The following VPS35L variants were observed in gnomAD, a reference collection of about 807,000 sequenced individuals.
The protein encoded by VPS35L is VPS35 endosomal protein sorting factor like, also known as VPS35 endosomal protein-sorting factor-like.
A neutral mutation model predicts 133.0 loss-of-function variants in VPS35L; 83 were observed. The ratio of observed to expected loss-of-function variants is 0.62; its 90% CI spans 0.52 to 0.75. The LOEUF (loss-of-function observed/expected upper bound fraction) is 0.75, where lower values mean the gene tolerates loss of function less well. Among genes scored for constraint, VPS35L ranks in the 30% least tolerant of loss-of-function variants. The pLI, the probability that VPS35L is intolerant of heterozygous loss-of-function variation, is 0.00. For missense variants in VPS35L, 1,083 were observed against 1,206.8 expected (o/e 0.90, Z 1.52); for synonymous variants, 423 against 449.9 (o/e 0.94, Z 0.76).
intron 9 of VPS35L, 94 bp downstream of exon 9, chr16:19,601,817 GT>G: frequency 1.5e-6 from 2 of 1,334,152 alleles, no homozygotes; most frequent in Non-Finnish European, 2.1e-6. Flanking sequence ...CTTGATAAAG[GT>G]TTTAATTTTG....
At chr16:19,677,345 A>C (rs984232147) in intron 27 of VPS35L, among the ~76,000 whole-genome samples, 2 of 152,130 alleles carry the variant, frequency 1.3e-5, no homozygotes, top group African/African-American at 4.8e-5. Flanking sequence ...GGCCTCCCAG[A>C]GTGCTGGAAT....
At chr16:19,619,232 C>T (rs1189708500) in intron 14 of VPS35L, among the ~76,000 whole-genome samples, 7 of 152,070 alleles carry the variant, frequency 4.6e-5, no homozygotes, top group African/African-American at 7.2e-5. Flanking sequence ...CGTGCCCAGC[C>T]GCCCATCTCT....
intron 29 of VPS35L, among the ~76,000 whole-genome samples, chr16:19,693,434 A>G (rs1975773721): frequency 1.3e-5 from 2 of 152,052 alleles, no homozygotes; most frequent in Admixed American, 1.3e-4. Context: ...TGAGCCTAGG[A>G]GTTTGAGACC....
In VPS35L at chr16:19,563,247, A is replaced by G. The variant is rs1597301891; in HGVS notation, c.18-1604A>G. On this transcript the variant is annotated intron_variant, in intron 1 of 30. Coordinates refer to ENST00000417362, the MANE Select transcript of VPS35L (RefSeq NM_020314.7). ...CACTTTGGGAGGCTGAGGCAGGAGG[A>G]TCACTTGAGCTCAGGAGTTTAAGAC... is the stretch of plus-strand genomic sequence containing the variant. 2.0e-5 allele frequency among the ~76,000 whole-genome samples: 3 copies of G among 151,544 alleles called. No individual in the cohort carries two copies. The South Asian group carries it at 6.3e-4, about 32-fold the overall frequency.
At position 19,652,017 on chromosome 16, in the gene VPS35L, G is replaced by A. The variant is rs748046671; in HGVS notation, c.2148G>A (p.Ala716=). 1.5e-5 allele frequency: 25 copies of A among 1,613,322 alleles called. No individual in the cohort carries two copies. The highest frequency in any genetic ancestry group is 8.9e-5 in the East Asian group (4 of 44,864). ...AYCFITIPSL[A]GIFTRLNLYL... is the part of the protein sequence containing the mutation. The stretch of plus-strand genomic sequence containing the variant: ...GCTTCATCACCATCCCCTCCCTGGC[G>A]GGCATCTTCACACGTCTCAATCTCT... The change falls in exon 26 of 31, where the codon GCG becomes GCA. Residue 716 remains alanine (A), a synonymous_variant. Transcript: ENST00000417362.
At chr16:19,586,400 C>T (rs1331135002) in intron 7 of VPS35L, among the ~76,000 whole-genome samples, 2 of 152,122 alleles carry the variant, frequency 1.3e-5, no homozygotes, top group Non-Finnish European at 2.9e-5. Flanking sequence ...AGTGCAGTGG[C>T]ATGATCTCAG....
Position 19,699,032 on chromosome 16 carries a change from C to G in VPS35L, c.2647-470C>G, listed in dbSNP as rs1976016218. On this transcript the variant is annotated intron_variant, in intron 29 of 30. Transcript: ENST00000417362. The surrounding 1 kb of genome is among the most constrained non-coding windows in gnomAD (Gnocchi z 4.2). ...GATATGGGCACCAAGGATTGGGGAG[C>G]TCAGTTCGGGAGATGTGTTTTGGTC... Among the ~76,000 whole-genome samples, 1 of 152,130 alleles carries G rather than the reference C, an allele frequency of 6.6e-6. No homozygotes were observed. Among genetic ancestry groups the G allele is most frequent in the Non-Finnish European group, 1.5e-5 (1 of 68,030 alleles).
At chr16:19,619,974 G>T (rs1008505341) in intron 14 of VPS35L, among the ~76,000 whole-genome samples, 12 of 152,266 alleles carry the variant, frequency 7.9e-5, no homozygotes, top group Middle Eastern at 3.4e-3. Flanking sequence ...GTAAAGTTCG[G>T]CTGCAGCAAT....
intron 29 of VPS35L, among the ~76,000 whole-genome samples, chr16:19,695,423 A>G (rs1012783525): frequency 6.6e-6 from 1 of 152,200 alleles, no homozygotes; most frequent in Non-Finnish European, 1.5e-5. Context: ...GTGATTCTGA[A>G]AGAATAGCAA....
rs756324639 is a variant in VPS35L at position 19,573,233 on chromosome 16, CTGTCTAT to C, written c.404_408+2del. ...TGCCCGGTACACCACTACCGAAAAG[CTGTCTAT>C]TGTGAGTACCAGGAGACCCTCTCCA... On this transcript the variant is annotated frameshift_variant and splice_region_variant, in exon 4 of 31. Transcript: ENST00000417362. LOFTEE classifies it high-confidence loss of function. 1 of 1,613,656 alleles carries C rather than the reference CTGTCTAT, an allele frequency of 6.2e-7. No homozygotes were observed. The highest frequency in any genetic ancestry group is 1.7e-5 in the Admixed American group (1 of 59,988).
rs1033277736 is a variant in VPS35L at position 19,571,664 on chromosome 16, C to G, written c.286-1455C>G. ...GGTTCAAGTGATTCTCCTGCCTCAG[C>G]CTACCTAGTAGCTGGGATTACAGGC... On this transcript the variant is annotated intron_variant, in intron 3 of 30. Transcript: ENST00000417362. Among the ~76,000 whole-genome samples the G allele has an allele frequency of 3.9e-5, 6 of 152,090 alleles. No individual in the cohort carries two copies. The South Asian group carries it at 1.2e-3, about 32-fold the overall frequency.
chr16:19,655,682 G>A (rs1418837468), intron 26 of VPS35L, among the ~76,000 whole-genome samples: 1 of 152,212 alleles, frequency 6.6e-6, no homozygotes, highest in East Asian at 1.9e-4. Context: ...GCATAGACTG[G>A]ATTGTGCAGG....
intron 27 of VPS35L, among the ~76,000 whole-genome samples, chr16:19,669,580 G>A (rs1974808530): frequency 6.6e-6 from 1 of 151,994 alleles, no homozygotes; most frequent in Admixed American, 6.6e-5. Context: ...TCTTAAAGCT[G>A]GAAGTCTGAG....
intron 14 of VPS35L, among the ~76,000 whole-genome samples, chr16:19,621,415 A>G (rs1156792726): frequency 6.6e-6 from 1 of 152,218 alleles, no homozygotes; most frequent in East Asian, 1.9e-4. Context: ...TACAATTTTT[A>G]GAAAAACAAA....
chr16:19,641,938 G>A (rs1211344971), intron 21 of VPS35L, among the ~76,000 whole-genome samples: 1 of 152,208 alleles, frequency 6.6e-6, no homozygotes, highest in Non-Finnish European at 1.5e-5. Flanking sequence ...GGCCAGGTGC[G>A]GTGGCTCACG....
chr16:19,626,910 G>A (rs1021092435), intron 15 of VPS35L, among the ~76,000 whole-genome samples: 1 of 152,160 alleles, frequency 6.6e-6, no homozygotes, highest in Non-Finnish European at 1.5e-5. Context: ...CATGGAAACA[G>A]CCTTGCATGG....
At chr16:19,625,444 G>A (rs1282875060) in intron 14 of VPS35L, among the ~76,000 whole-genome samples, 3 of 152,088 alleles carry the variant, frequency 2.0e-5, no homozygotes, top group Non-Finnish European at 4.4e-5. Context: ...AGAAGAGGTG[G>A]GGAGCAGAGT....
At chr16:19,610,006 G>GA (rs1381428912) in intron 11 of VPS35L, among the ~76,000 whole-genome samples, 1 of 152,100 alleles carries the variant, frequency 6.6e-6, no homozygotes, top group Non-Finnish European at 1.5e-5. Context: ...CCAGTCGATG[G>GA]AAAATAATTG....
chr16:19,699,922 A>T lies in VPS35L; in HGVS notation c.2793+274A>T, dbSNP rs1193041130. ...ACACCAGCCTGGGCAACATAGTGAG[A>T]CCAGGTCTCTACAAAAAATAAAAAA... On this transcript the variant is annotated intron_variant, in intron 30 of 30. Transcript: ENST00000417362. The surrounding 1 kb of genome is among the most constrained non-coding windows in gnomAD (Gnocchi z 4.2). Among the ~76,000 whole-genome samples, 2 of 152,136 alleles carry T rather than the reference A, an allele frequency of 1.3e-5. No homozygotes were observed. The highest frequency in any genetic ancestry group is 2.9e-5 in the Non-Finnish European group (2 of 68,030).
Sources: allele counts gnomAD v4.1 joint callset (sites outside exome capture counted in the v4.1 genomes callset), GRCh38; gene constraint gnomAD v4.1.1; non-coding constraint Gnocchi (gnomAD v3.1); transcripts MANE v1.5; gene names NCBI Gene and HGNC (gene_info 2026-07-23, HGNC 2026-07-21).